BLACAT1: variants seen among roughly 807,000 people sequenced by gnomAD.
The protein encoded by BLACAT1 is bladder cancer associated transcript 1.
chr1:205,446,125 C>T (rs1449459234), intron 1 of BLACAT1, among the ~76,000 whole-genome samples: 1 of 152,192 alleles, frequency 6.6e-6, no homozygotes, highest in Non-Finnish European at 1.5e-5. Flanking sequence ...TGTGAATCCT[C>T]CAGGGAGAAG....
chr1:205,447,729 A>C (rs1030596008), intron 1 of BLACAT1, among the ~76,000 whole-genome samples: 1 of 143,760 alleles, frequency 7.0e-6, no homozygotes, highest in Non-Finnish European at 1.5e-5. Flanking sequence ...GGAGCCAGGG[A>C]CCCTGGAGTC....
intron 1 of BLACAT1, among the ~76,000 whole-genome samples, chr1:205,447,731 C>T (rs1666425060): frequency 7.0e-6 from 1 of 142,216 alleles, no homozygotes; most frequent in African/African-American, 2.6e-5. Context: ...AGCCAGGGAC[C>T]CTGGAGTCCA....
intron 1 of BLACAT1, among the ~76,000 whole-genome samples, chr1:205,446,000 G>A (rs775161954): frequency 2.6e-5 from 4 of 152,104 alleles, no homozygotes; most frequent in Non-Finnish European, 5.9e-5. Flanking sequence ...GCCCACTCTC[G>A]CAAGGGAGGC....
At chr1:205,439,406 A>C (rs190615238), downstream of BLACAT1, among the ~76,000 whole-genome samples, 1 of 152,304 alleles carries the variant, frequency 6.6e-6, no homozygotes, top group East Asian at 1.9e-4. Flanking sequence ...CATAAAGACA[A>C]CCTGAATCCC....
At chr1:205,451,140 C>A (rs1026790359) in intron 1 of BLACAT1, among the ~76,000 whole-genome samples, 1 of 152,216 alleles carries the variant, frequency 6.6e-6, no homozygotes, top group Non-Finnish European at 1.5e-5. Flanking sequence ...TCTTTAGCTT[C>A]CCCTGGCTCT....
chr1:205,448,264 G>A lies in BLACAT1; in HGVS notation c.-36-7202C>T, dbSNP rs559802179. 18 of 510,974 alleles carry A rather than the reference G, an allele frequency of 3.5e-5. No individual in the cohort carries two copies. Among genetic ancestry groups the A allele is most frequent in the African/African-American group, 5.8e-5 (3 of 51,418 alleles). 31.7% of individuals were successfully genotyped at this position (510,974 alleles called of 1,614,324 possible). On this transcript the variant is annotated intron_variant, in intron 1 of 1. Transcript: ENST00000629624. The surrounding 1 kb of genome is among the most constrained non-coding windows in gnomAD (Gnocchi z 4.7). ...CTGGTGCCCCTTGGTGGCTGGCTCC[G>A]AACCTGGTCCCATGGGAGGTGCAGC...
intron 1 of BLACAT1, among the ~76,000 whole-genome samples, chr1:205,453,452 G>T (rs1300043408): frequency 6.6e-6 from 1 of 152,142 alleles, no homozygotes; most frequent in Non-Finnish European, 1.5e-5. Flanking sequence ...GTAAAGTGGG[G>T]TGGGCACTGC....
chr1:205,453,049 C>T lies in BLACAT1; in HGVS notation c.-37+2868G>A, dbSNP rs193288242. Among the ~76,000 whole-genome samples, 273 of 152,186 alleles carry T rather than the reference C, an allele frequency of 1.8e-3. 2 individuals are homozygous for T. The highest frequency in any genetic ancestry group is 6.1e-3 in the African/African-American group (252 of 41,516). ...GAACAGGTTATGGGGTGTGAGTGGG[C>T]AGCAAAGCCTGGAAATCTAATTCCA... On this transcript the variant is annotated intron_variant, in intron 1 of 1. Coordinates refer to ENST00000629624, the Ensembl canonical transcript of BLACAT1.
At chr1:205,455,105 G>A (rs1190774981) in intron 1 of BLACAT1, among the ~76,000 whole-genome samples, 3 of 152,112 alleles carry the variant, frequency 2.0e-5, no homozygotes, top group Admixed American at 6.5e-5. Flanking sequence ...TCAGGAAAGG[G>A]AGCACCTATC....
At chr1:205,451,047 G>A (rs920573967) in intron 1 of BLACAT1, among the ~76,000 whole-genome samples, 1 of 152,194 alleles carries the variant, frequency 6.6e-6, no homozygotes. Flanking sequence ...CTGGTGGTGA[G>A]AACTGGGGCC....
chr1:205,447,761 G>GC (rs34491043), intron 1 of BLACAT1, among the ~76,000 whole-genome samples: 99,959 of 151,728 alleles, frequency 0.66, 33,524 homozygotes, highest in Non-Finnish European at 0.72. Context: ...CCGGGGGAGC[G>GC]CCTGCCTTCC....
intron 1 of BLACAT1, among the ~76,000 whole-genome samples, chr1:205,454,428 G>A (rs1187995149): frequency 1.3e-5 from 2 of 151,420 alleles, no homozygotes; most frequent in Middle Eastern, 3.4e-3. Context: ...TGTGGGGTGC[G>A]TGGGATGGGG....
At chr1:205,438,440 G>A (rs533943957), downstream of BLACAT1, among the ~76,000 whole-genome samples, 115 of 152,352 alleles carry the variant, frequency 7.5e-4, no homozygotes, top group African/African-American at 2.6e-3. Context: ...GGCCCAGGGC[G>A]CAGGGTCTGC....
downstream of BLACAT1, among the ~76,000 whole-genome samples, chr1:205,439,764 T>C (rs1316550721): frequency 6.6e-6 from 1 of 152,188 alleles, no homozygotes; most frequent in Non-Finnish European, 1.5e-5. Flanking sequence ...GCATCTCTGC[T>C]GCTGGCATTC....
chr1:205,453,164 C>T (rs1202699435), intron 1 of BLACAT1, among the ~76,000 whole-genome samples: 2 of 152,160 alleles, frequency 1.3e-5, no homozygotes, highest in African/African-American at 2.4e-5. Flanking sequence ...CCTGCAGATT[C>T]GGAGTTGTGG....
rs1016184695 is a variant in BLACAT1, at chr1:205,448,552, C to T, written c.-37+7365G>A. On this transcript the variant is annotated intron_variant, in intron 1 of 1. Transcript: ENST00000629624. The surrounding 1 kb of genome is among the most constrained non-coding windows in gnomAD (Gnocchi z 4.7). ...CAGGTTAAATTCTCTCACCATCTTC[C>T]ACCACCTGCACTAAAGCCATCCCAG... is the stretch of plus-strand genomic sequence containing the variant. Among the ~76,000 whole-genome samples, 1 of 152,160 alleles carries T rather than the reference C, an allele frequency of 6.6e-6. No homozygotes were observed. The highest frequency in any genetic ancestry group is 1.5e-5 in the Non-Finnish European group (1 of 68,028).
chr1:205,440,249 G>A (rs1412414969), exon 2 of BLACAT1, among the ~76,000 whole-genome samples: 1 of 152,146 alleles, frequency 6.6e-6, no homozygotes, highest in Non-Finnish European at 1.5e-5. Flanking sequence ...TCATGAACAC[G>A]GGTGGGTCAG....
chr1:205,445,667 C>T (rs1194100681), intron 1 of BLACAT1, among the ~76,000 whole-genome samples: 1 of 152,208 alleles, frequency 6.6e-6, no homozygotes, highest in African/African-American at 2.4e-5. Context: ...GAGGTCAGAG[C>T]AGCAATAGTC....
downstream of BLACAT1, chr1:205,435,143 T>C (rs1036232459): frequency 2.0e-5 from 3 of 152,226 alleles, no homozygotes; most frequent in African/African-American, 7.2e-5. Flanking sequence ...TTTACAGAAT[T>C]AATCCAGACC....
Sources: allele counts gnomAD v4.1 joint callset (sites outside exome capture counted in the v4.1 genomes callset), GRCh38; gene constraint gnomAD v4.1.1; non-coding constraint Gnocchi (gnomAD v3.1); transcripts MANE v1.5; gene names NCBI Gene and HGNC (gene_info 2026-07-23, HGNC 2026-07-21).